Variants in KDM5A observed in about 807,000 individuals in gnomAD.
The protein encoded by KDM5A is lysine demethylase 5A, also known as lysine-specific demethylase 5A.
In KDM5A, 42 loss-of-function variants were observed where a neutral mutation model predicts 193.5. The ratio of observed to expected loss-of-function variants is 0.22; its 90% CI spans 0.17 to 0.28. The LOEUF is 0.28. Among genes scored for constraint, KDM5A ranks in the 10% least tolerant of loss-of-function variants. The probability of loss-of-function intolerance (pLI) is 1.00; values close to 1 mark genes in which losing one functional copy is unlikely to be tolerated. For missense variants in KDM5A, 1,692 were observed against 2,055.1 expected, an observed-to-expected ratio of 0.82 and a Z score of 3.42; for synonymous variants, 796 against 718.1, an observed-to-expected ratio of 1.11 and a Z score of -1.73.
rs756799122 is a variant in KDM5A at position 354,135 on chromosome 12, T to C, written c.970A>G (p.Ile324Val). ...CDDSYHTFCL[I>V]PPLPDVPKGD... The stretch of plus-strand genomic sequence containing the variant: ...TTGGGCACATCAGGTAGTGGAGGAA[T>C]TAGACAAAATGTATGATAGCTGTCA... The change falls in exon 8 of 28, where the codon ATT becomes GTT. Residue 324 changes from isoleucine to valine, a missense_variant. Physicochemically the swap from Ile to Val is conservative, Grantham distance 29. Around this residue, in one of 11 missense-constraint regions of KDM5A, gnomAD observed 62 missense variants for 107.1 expected, o/e 0.58. Coordinates refer to ENST00000399788, the MANE Select transcript of KDM5A (RefSeq NM_001042603.3). 9.3e-6 allele frequency: 15 copies of C among 1,613,554 alleles called. No homozygotes were observed. Among genetic ancestry groups the C allele is most frequent in the Middle Eastern group, 1.6e-4 (1 of 6,062 alleles).
rs1565547844 is a variant in KDM5A, at chr12:365,860, T to A, written c.537+74A>T. 4 of 1,504,002 alleles carry A rather than the reference T, an allele frequency of 2.7e-6. No individual in the cohort carries two copies. In the East Asian group the frequency reaches 9.0e-5, roughly 34 times the overall value. 93.2% of individuals were successfully genotyped at this position (1,504,002 alleles called of 1,614,324 possible). A position where few individuals can be genotyped will look rare whatever the true frequency, so the allele number is the denominator to read the frequency against. On this transcript the variant is annotated intron_variant, in intron 4 of 27. Coordinates refer to ENST00000399788, the MANE Select transcript of KDM5A (RefSeq NM_001042603.3). ...AATTTTGGTGCCTGCTAACTTGGGTTAAACACAGTCTAAAGTTTGTACTTG... is the reference window on the plus strand; with the variant it reads ...AATTTTGGTGCCTGCTAACTTGGGTAAAACACAGTCTAAAGTTTGTACTTG...
Position 281,997 on chromosome 12 carries a change from A to AC in KDM5A, c.*3458_*3459insG. On this transcript the variant is annotated 3_prime_UTR_variant, in exon 28 of 28. Coordinates refer to ENST00000399788, the MANE Select transcript of KDM5A (RefSeq NM_001042603.3). ...TACAGCTCAGCCTGCACAGAAGCGCAGAAGCAAAGCCCAGGCAGAACCATG... is the reference window on the plus strand; with the variant it reads ...TACAGCTCAGCCTGCACAGAAGCGCACGAAGCAAAGCCCAGGCAGAACCATG... 3.4e-6 allele frequency: 1 copy of AC among 290,012 alleles called. No homozygotes were observed. Among genetic ancestry groups the AC allele is most frequent in the African/African-American group, 2.2e-5 (1 of 45,926 alleles). The allele number at this position is 290,012 out of a possible 1,614,324, so 18.0% of individuals were successfully genotyped here. A position where few individuals can be genotyped will look rare whatever the true frequency, so the allele number is the denominator to read the frequency against.
intron 12 of KDM5A, chr12:333,196 A>C (rs917118652): frequency 1.4e-5 from 6 of 420,822 alleles, no homozygotes; most frequent in Non-Finnish European, 2.2e-5. Context: ...AGTTGGGAAG[A>C]CTGCTTGAGC....
At chr12:330,246 A>G (rs1170588327) in intron 13 of KDM5A, among the ~76,000 whole-genome samples, 2 of 152,166 alleles carry the variant, frequency 1.3e-5, no homozygotes, top group Admixed American at 1.3e-4. Flanking sequence ...CTTAACTATT[A>G]TAATATGTGA....
chr12:333,291 C>A, intron 12 of KDM5A, 196 bp downstream of exon 12: 1 of 619,466 alleles, frequency 1.6e-6, no homozygotes, highest in South Asian at 1.9e-5. Flanking sequence ...TGGTGGTGTG[C>A]TCCTATAGTC....
At position 296,648 on chromosome 12, in the gene KDM5A, A is replaced by G. The variant is rs1943378143; in HGVS notation, c.4234+393T>C. Among the ~76,000 whole-genome samples the G allele has an allele frequency of 2.0e-5, 3 of 152,216 alleles. No homozygotes were observed. The South Asian group carries it at 6.2e-4, about 32-fold the overall frequency. On this transcript the variant is annotated intron_variant, in intron 25 of 27. Coordinates refer to ENST00000399788, the MANE Select transcript of KDM5A (RefSeq NM_001042603.3). ...ACATCACAGAGAAAATCACCCTCCA[A>G]GGAAAGGAAGAACTTTCTAACAATT... is the stretch of plus-strand genomic sequence containing the variant.
chr12:362,833 T>C, intron 5 of KDM5A, 130 bp downstream of exon 5: 4 of 811,342 alleles, frequency 4.9e-6, no homozygotes, highest in Non-Finnish European at 8.2e-6. Flanking sequence ...CAGCAGCGCA[T>C]ACCAACCAGC....
chr12:325,570 G>A (rs1224225128), intron 14 of KDM5A, among the ~76,000 whole-genome samples: 1 of 152,152 alleles, frequency 6.6e-6, no homozygotes, highest in East Asian at 1.9e-4. Flanking sequence ...TAACTACTCA[G>A]GAGGCTGACG....
intron 24 of KDM5A, among the ~76,000 whole-genome samples, chr12:297,702 G>A (rs77205979): frequency 6.6e-6 from 1 of 152,084 alleles, no homozygotes; most frequent in African/African-American, 2.4e-5. Context: ...AAACATTCTG[G>A]CTTGTAGGTG....
intron 10 of KDM5A, among the ~76,000 whole-genome samples, chr12:343,895 C>A (rs993379960): frequency 6.6e-6 from 1 of 152,146 alleles, no homozygotes; most frequent in Non-Finnish European, 1.5e-5. Context: ...AGCAATGGAA[C>A]AAAGCTGGAT....
rs746372582 is a variant in KDM5A at position 285,602 on chromosome 12, C to A, written c.4927G>T (p.Val1643Leu). The change falls in exon 28 of 28, where the codon GTA (valine) becomes TTA (leucine). Residue 1643 changes from valine to leucine, a missense_variant. Val to Leu is a conservative substitution (Grantham distance 32). Around this residue, in one of 11 missense-constraint regions of KDM5A, gnomAD observed 23 missense variants for 61.5 expected, o/e 0.37. Coordinates refer to ENST00000399788, the MANE Select transcript of KDM5A (RefSeq NM_001042603.3). ...DEWFHQVCVG[V>L]SPEMAENEDY... ...TCATTTTCAGCCATTTCTGGAGATACACCCACACAAACTTGATGAAACCAC... is the reference window on the plus strand; with the variant it reads ...TCATTTTCAGCCATTTCTGGAGATAAACCCACACAAACTTGATGAAACCAC... 7.4e-6 allele frequency: 12 copies of A among 1,613,970 alleles called. No individual in the cohort carries two copies. Among genetic ancestry groups the A allele is most frequent in the Admixed American group, 1.7e-5 (1 of 59,990 alleles).
rs75541795 is a variant in KDM5A at position 342,204 on chromosome 12, T to G, written c.1309-7782A>C. Among the ~76,000 whole-genome samples, 1,383 of 152,322 alleles carry G rather than the reference T, an allele frequency of 9.1e-3. 29 individuals are homozygous for G. The highest frequency in any genetic ancestry group is 0.031 in the African/African-American group (1,292 of 41,564). Reference sequence around the variant, plus strand: ...GCTATACTTTTATTTATATATCCTCTGTACTATGCAACTTTATCATGTGCA... The same window carrying G: ...GCTATACTTTTATTTATATATCCTCGGTACTATGCAACTTTATCATGTGCA... On this transcript the variant is annotated intron_variant, in intron 10 of 27. Transcript: ENST00000399788.
rs1943563024 is a variant in KDM5A, at chr12:309,918, T to C, written c.3263A>G (p.Asn1088Ser). The C allele has an allele frequency of 1.2e-6, 2 of 1,613,526 alleles. No homozygotes were observed. The highest frequency in any genetic ancestry group is 1.7e-6 in the Non-Finnish European group (2 of 1,179,918). The change falls in exon 22 of 28, where the codon AAT becomes AGT. Residue 1088 changes from asparagine to serine, a missense_variant. By Grantham distance (46) the Asn-to-Ser change is conservative. Around this residue, in one of 11 missense-constraint regions of KDM5A, gnomAD observed 965 missense variants for 1,061.0 expected, o/e 0.91. Coordinates refer to ENST00000399788, the MANE Select transcript of KDM5A (RefSeq NM_001042603.3). Reference protein sequence around the residue: ...TDIGVYGSGKNRRKKVKELIE... With the variant: ...TDIGVYGSGKSRRKKVKELIE... ...TAGTTCTTTTACTTTTTTCCTCCTA[T>C]TTTTGCCACTCCCATATACACCAAT...
intron 5 of KDM5A, among the ~76,000 whole-genome samples, chr12:357,233 C>T (rs887598732): frequency 6.6e-6 from 1 of 151,644 alleles, no homozygotes; most frequent in African/African-American, 2.4e-5. Context: ...GGCGAGATCA[C>T]GCTGCTGCAC....
rs3782855 is a variant in KDM5A, at chr12:286,789, A to C, written c.4867-1127T>G. ...TCAAAACCACAGTAGTCACGTCAGTAGTTTTAGGCTTGTAATAAGGGGTGG... is the reference window on the plus strand; with the variant it reads ...TCAAAACCACAGTAGTCACGTCAGTCGTTTTAGGCTTGTAATAAGGGGTGG... On this transcript the variant is annotated intron_variant, in intron 27 of 27. Transcript: ENST00000399788. Among the ~76,000 whole-genome samples the C allele has an allele frequency of 2.3e-4, 35 of 152,308 alleles. No individual in the cohort carries two copies. The East Asian group carries it at 3.3e-3, about 14-fold the overall frequency.
chr12:380,426 T>G (rs1000893084), intron 3 of KDM5A, among the ~76,000 whole-genome samples: 1 of 151,048 alleles, frequency 6.6e-6, no homozygotes, highest in East Asian at 2.0e-4. Flanking sequence ...AAAATAGAGA[T>G]AAAGATTGGC....
chr12:380,172 T>G (rs1190027686), intron 3 of KDM5A, among the ~76,000 whole-genome samples: 1 of 149,154 alleles, frequency 6.7e-6, no homozygotes, highest in African/African-American at 2.5e-5. Context: ...TGAGGCTGAG[T>G]GAGGGGAATC....
At chr12:298,102 G>A (rs1056552660) in intron 24 of KDM5A, among the ~76,000 whole-genome samples, 1 of 152,214 alleles carries the variant, frequency 6.6e-6, no homozygotes, top group East Asian at 1.9e-4. Context: ...GGGGGAAGGG[G>A]CGGCTGTGGG....
At chr12:288,572 A>G (rs1943250611) in intron 27 of KDM5A, among the ~76,000 whole-genome samples, 1 of 152,210 alleles carries the variant, frequency 6.6e-6, no homozygotes, top group Non-Finnish European at 1.5e-5. Flanking sequence ...TTCATTTCTT[A>G]GAGAATAGTA....
Sources: allele counts gnomAD v4.1 joint callset (sites outside exome capture counted in the v4.1 genomes callset), GRCh38; gene constraint gnomAD v4.1.1; regional missense constraint gnomAD v4.1.1; transcripts MANE v1.5; gene names NCBI Gene and HGNC (gene_info 2026-07-23, HGNC 2026-07-21).